Variants in PIK3CB observed in about 807,000 individuals in gnomAD.
PIK3CB encodes phosphatidylinositol 4,5-bisphosphate 3-kinase catalytic subunit beta isoform.
PIK3CB carries 39 observed loss-of-function variants against 136.8 expected under a neutral mutation model. The observed-to-expected ratio is 0.29, with a 90% CI of 0.22 to 0.37. The LOEUF is 0.37. PIK3CB is among the 10% of genes least tolerant of loss of function. PIK3CB has a pLI of 1.00. For missense variants in PIK3CB, 868 were observed against 1,275.4 expected (o/e 0.68, Z 4.87); for synonymous variants, 428 against 436.6 (o/e 0.98, Z 0.25).
intron 14 of PIK3CB, 115 bp downstream of exon 14, chr3:138,694,671 G>A: frequency 9.1e-7 from 1 of 1,094,164 alleles, no homozygotes; most frequent in Non-Finnish European, 1.3e-6. Flanking sequence ...CAAATGCTTT[G>A]AACTGTGAAT....
chr3:138,825,876 T>C lies in PIK3CB; in HGVS notation c.-122+8819A>G, dbSNP rs139635688. Reference sequence around the variant, plus strand: ...CCTGCAGACAATGTGGACTTCAATGTCAAGAATGTGTCTGTCAAAGATGTT... The same window carrying C: ...CCTGCAGACAATGTGGACTTCAATGCCAAGAATGTGTCTGTCAAAGATGTT... On this transcript the variant is annotated intron_variant, in intron 1 of 23. Transcript: ENST00000674063. 285 of 1,504,154 alleles carry C rather than the reference T, an allele frequency of 1.9e-4. No homozygotes were observed. In the African/African-American group the frequency reaches 3.7e-3, roughly 20 times the overall value. The allele number at this position is 1,504,154 out of a possible 1,614,324, so 93.2% of individuals were successfully genotyped here. A position where few individuals can be genotyped will look rare whatever the true frequency, so the allele number is the denominator to read the frequency against.
chr3:138,672,303 C>T (rs569480445), intron 19 of PIK3CB, among the ~76,000 whole-genome samples: 1 of 152,158 alleles, frequency 6.6e-6, no homozygotes, highest in East Asian at 1.9e-4. Flanking sequence ...TGCAAAACTT[C>T]AAGCCTTCCC....
chr3:138,814,469 C>A (rs1410099126), intron 1 of PIK3CB, among the ~76,000 whole-genome samples: 1 of 147,936 alleles, frequency 6.8e-6, no homozygotes, highest in Non-Finnish European at 1.5e-5. Flanking sequence ...CAGAGTGAGA[C>A]CATCTCAAAA....
chr3:138,779,027 C>CAAAA (rs35287725), intron 2 of PIK3CB, among the ~76,000 whole-genome samples: 4 of 144,358 alleles, frequency 2.8e-5, no homozygotes, highest in African/African-American at 1.0e-4. Flanking sequence ...CCTCTACTGC[C>CAAAA]AAAAAAAAAA....
intron 6 of PIK3CB, 108 bp from the exon 7 acceptor site, chr3:138,734,912 C>A: frequency 3.3e-6 from 2 of 604,426 alleles, no homozygotes; most frequent in Non-Finnish European, 5.2e-6. Flanking sequence ...GAAAGTATGT[C>A]TTAAACCACA....
chr3:138,726,859 C>T (rs1366522819), intron 8 of PIK3CB, among the ~76,000 whole-genome samples: 1 of 147,562 alleles, frequency 6.8e-6, no homozygotes, highest in East Asian at 2.0e-4. Flanking sequence ...CTGGACAACA[C>T]AGTGAAATCT....
chr3:138,682,225 A>G (rs2043796537), intron 18 of PIK3CB, among the ~76,000 whole-genome samples, 180 bp from the exon 19 acceptor site: 1 of 152,260 alleles, frequency 6.6e-6, no homozygotes, highest in African/African-American at 2.4e-5. Flanking sequence ...ATTATTTCAG[A>G]CATTAAATTA....
chr3:138,690,899 C>T (rs1435629200), intron 15 of PIK3CB, 101 bp downstream of exon 15: 4 of 894,058 alleles, frequency 4.5e-6, no homozygotes, highest in Non-Finnish European at 5.2e-6. Context: ...ATAAACGGTT[C>T]AGAAAAAAAC....
At chr3:138,764,911 G>A (rs766182974) in intron 2 of PIK3CB, among the ~76,000 whole-genome samples, 4 of 152,190 alleles carry the variant, frequency 2.6e-5, no homozygotes, top group Non-Finnish European at 5.9e-5. Flanking sequence ...AAAGCTCACT[G>A]TGTACTCATC....
At position 138,662,356 on chromosome 3, in the gene PIK3CB, G is replaced by A. The variant is rs868221353; in HGVS notation, c.2796+1550C>T. Among the ~76,000 whole-genome samples, 65 of 146,824 alleles carry A rather than the reference G, an allele frequency of 4.4e-4. No homozygotes were observed. The Middle Eastern group carries it at 0.017, about 39-fold the overall frequency. On this transcript the variant is annotated intron_variant, in intron 21 of 23. Transcript: ENST00000674063. ...AATTCCCATCTATGAGTGAGAACAT[G>A]CGGTGTTTGGTTTTTTGTCCTTGTG...
intron 10 of PIK3CB, among the ~76,000 whole-genome samples, chr3:138,708,899 A>G (rs1172712573): frequency 6.6e-6 from 1 of 152,146 alleles, no homozygotes; most frequent in African/African-American, 2.4e-5. Flanking sequence ...CCCCATACAT[A>G]GAGGTAATCC....
intron 2 of PIK3CB, among the ~76,000 whole-genome samples, chr3:138,790,450 TAAA>T (rs113027527): frequency 3.0e-5 from 4 of 134,540 alleles, no homozygotes; most frequent in Admixed American, 7.6e-5. Context: ...CTGTCCTCAT[TAAA>T]AAAAAAAAAA....
chr3:138,773,527 T>C (rs1485462634), intron 2 of PIK3CB, among the ~76,000 whole-genome samples: 1 of 152,216 alleles, frequency 6.6e-6, no homozygotes, highest in Non-Finnish European at 1.5e-5. Flanking sequence ...ATAAAAGTCA[T>C]ATCACTCTAT....
intron 2 of PIK3CB, among the ~76,000 whole-genome samples, chr3:138,785,236 CG>C (rs1006408685): frequency 6.8e-6 from 1 of 146,790 alleles, no homozygotes; most frequent in South Asian, 2.2e-4. Flanking sequence ...CGGAGGGAGG[CG>C]GGGGGAAGCT....
intron 8 of PIK3CB, among the ~76,000 whole-genome samples, chr3:138,729,378 G>C (rs2044919344): frequency 6.6e-6 from 1 of 152,050 alleles, no homozygotes; most frequent in Non-Finnish European, 1.5e-5. Context: ...CATTTTTCTG[G>C]GTGTTACTAA....
intron 4 of PIK3CB, among the ~76,000 whole-genome samples, chr3:138,745,586 T>C (rs2045337615): frequency 6.6e-6 from 1 of 151,774 alleles, no homozygotes; most frequent in Non-Finnish European, 1.5e-5. Flanking sequence ...TAAGCCAAGA[T>C]CGCACCCCTG....
chr3:138,807,245 G>C (rs943325912), intron 1 of PIK3CB, among the ~76,000 whole-genome samples: 19 of 152,086 alleles, frequency 1.2e-4, no homozygotes, highest in African/African-American at 4.6e-4. Flanking sequence ...ACCAGCCTGG[G>C]CAACGTGGTG....
intron 21 of PIK3CB, among the ~76,000 whole-genome samples, chr3:138,663,157 T>A (rs923654359): frequency 1.3e-5 from 2 of 152,046 alleles, no homozygotes; most frequent in African/African-American, 4.8e-5. Context: ...CGCAACCTAC[T>A]CATCTGACAA....
Position 138,684,639 on chromosome 3 carries a change from G to A in PIK3CB, c.2301C>T (p.Ile767=), listed in dbSNP as rs750831231. 1.2e-6 allele frequency: 2 copies of A among 1,607,896 alleles called. No homozygotes were observed. The highest frequency in any genetic ancestry group is 1.7e-6 in the Non-Finnish European group (2 of 1,177,752). ...CAGTCACTTACTAGAGTTCTGAGAG[G>A]ATAACACATGGGTTCAGGGGTGACT... ...DLQSPLNPCV[I]LSELYVEKCK... Residue 767 remains isoleucine, a synonymous_variant, in exon 17 of 24, where the codon ATC becomes ATT. Transcript: ENST00000674063.
Sources: gnomAD v4.1 joint callset for allele counts (sites outside exome capture counted in the v4.1 genomes callset) on GRCh38, gnomAD v4.1.1 for gene constraint, MANE v1.5 for transcripts, NCBI Gene and HGNC (gene_info 2026-07-23, HGNC 2026-07-21) for gene names.